Variants in SMIM19 observed in about 807,000 individuals in gnomAD.
The protein encoded by SMIM19 is UPF0697 protein C8orf40.
SMIM19 carries 6 observed loss-of-function variants against 13.2 expected under a neutral mutation model. That is an observed-to-expected ratio of 0.45 (90% CI 0.25 to 0.90). SMIM19 has a LOEUF of 0.90. Ranked by LOEUF, SMIM19 falls within the 40% of genes least tolerant of loss-of-function variation. The probability of loss-of-function intolerance (pLI) is 0.19; values close to 1 mark genes in which losing one functional copy is unlikely to be tolerated. For missense variants in SMIM19, 138 were observed against 131.0 expected (o/e 1.05, Z -0.26); for synonymous variants, 46 against 43.1 (o/e 1.07, Z -0.27).
At position 42,553,993 on chromosome 8, in the gene SMIM19, A is replaced by G. The variant is rs1056096524; in HGVS notation, c.*1385A>G. 1 of 152,002 alleles carries G rather than the reference A, an allele frequency of 6.6e-6. No individual in the cohort carries two copies. Among genetic ancestry groups the G allele is most frequent in the Non-Finnish European group, 1.5e-5 (1 of 67,986 alleles). The allele number at this position is 152,002 out of a possible 1,614,324, so 9.4% of individuals were successfully genotyped here. On this transcript the variant is annotated 3_prime_UTR_variant, in exon 4 of 4. Coordinates refer to ENST00000417410, the MANE Select transcript of SMIM19 (RefSeq NM_001135674.2). ...CAAGACTTCGTCTCAGAAAAAAAAA[A>G]AAAAGTTAATAATGGCTTCAAGTAT...
intron 3 of SMIM19, among the ~76,000 whole-genome samples, chr8:42,550,380 C>T (rs562808392): frequency 1.2e-4 from 18 of 152,278 alleles, no homozygotes; most frequent in African/African-American, 2.6e-4. Flanking sequence ...TGTTGTCTCA[C>T]GGTTCGGTGG....
At position 42,552,598 on chromosome 8, in the gene SMIM19, C is replaced by T. The variant is rs143524150; in HGVS notation, c.314C>T (p.Ser105Leu). 1.1e-4 allele frequency: 183 copies of T among 1,613,916 alleles called. No homozygotes were observed. Among genetic ancestry groups the T allele is most frequent in the Non-Finnish European group, 1.5e-4 (175 of 1,179,956 alleles). ...AACCAAGCTGACAGTGTGCAACTCT[C>T]ATTGGAATGAAACCTCAGAAAAAGA... is the stretch of plus-strand genomic sequence containing the variant. The part of the protein sequence containing the change: ...PQNQADSVQL[S>L]LE Residue 105 changes from serine to leucine, a missense_variant, in exon 4 of 4, where the codon TCA becomes TTA. Ser to Leu is a moderately radical substitution (Grantham distance 145). Coordinates refer to ENST00000417410, the MANE Select transcript of SMIM19 (RefSeq NM_001135674.2).
intron 1 of SMIM19, 56 bp downstream of exon 1, chr8:42,542,429 GAA>G: frequency 1.0e-6 from 1 of 985,364 alleles, no homozygotes; most frequent in Non-Finnish European, 1.2e-6. Context: ...AGGGATGAGA[GAA>G]AGAAATCCCA....
rs1316522705 is a variant in SMIM19 at position 42,553,846 on chromosome 8, G to C, written c.*1238G>C. 6.6e-6 allele frequency: 1 copy of C among 152,190 alleles called. No homozygotes were observed. Among genetic ancestry groups the C allele is most frequent in the Non-Finnish European group, 1.5e-5 (1 of 68,062 alleles). 9.4% of individuals were successfully genotyped at this position (152,190 alleles called of 1,614,324 possible). On this transcript the variant is annotated 3_prime_UTR_variant, in exon 4 of 4. Coordinates refer to ENST00000417410, the MANE Select transcript of SMIM19 (RefSeq NM_001135674.2). ...AGAATACAAAAATTCGCTGGGTGTG[G>C]TGGCATGCGCCTGTAATCCCAGCTA...
chr8:42,547,633 A>G (rs1015335760), intron 2 of SMIM19, among the ~76,000 whole-genome samples: 1 of 152,206 alleles, frequency 6.6e-6, no homozygotes, highest in Admixed American at 6.5e-5. Context: ...CATAGCACTT[A>G]TTAAACAATG....
intron 3 of SMIM19, among the ~76,000 whole-genome samples, chr8:42,549,024 A>G (rs955230020): frequency 7.9e-5 from 12 of 152,216 alleles, no homozygotes; most frequent in Admixed American, 5.9e-4. Context: ...ATTATTCACA[A>G]TAGCCAAAAG....
chr8:42,545,225 AAAG>A (rs750547636), intron 1 of SMIM19, among the ~76,000 whole-genome samples: 46 of 152,360 alleles, frequency 3.0e-4, no homozygotes, highest in Middle Eastern at 6.8e-3. Flanking sequence ...TCTCAAACAC[AAAG>A]AAGAAGTCAT....
chr8:42,543,211 C>T lies in SMIM19; in HGVS notation c.-5+838C>T, dbSNP rs547606125. ...AGGCTGTGGTGGTATGCAGTAAGCACGCAGCAGGTGTATGTGTGTACACTT... is the reference window on the plus strand; with the variant it reads ...AGGCTGTGGTGGTATGCAGTAAGCATGCAGCAGGTGTATGTGTGTACACTT... On this transcript the variant is annotated intron_variant, in intron 1 of 3. Coordinates refer to ENST00000417410, the MANE Select transcript of SMIM19 (RefSeq NM_001135674.2). Among the ~76,000 whole-genome samples the T allele has an allele frequency of 9.9e-5, 15 of 152,224 alleles. No individual in the cohort carries two copies. The South Asian group carries it at 3.1e-3, about 32-fold the overall frequency.
chr8:42,548,568 C>T, intron 2 of SMIM19, 88 bp from the exon 3 acceptor site: 2 of 1,551,282 alleles, frequency 1.3e-6, no homozygotes, highest in Non-Finnish European at 8.9e-7. Flanking sequence ...GTCCTTTTAC[C>T]ACAGCTTCTG....
intron 3 of SMIM19, among the ~76,000 whole-genome samples, chr8:42,551,338 A>G (rs117453585): frequency 0.021 from 3,110 of 151,168 alleles, 97 homozygotes; most frequent in South Asian, 0.075. Flanking sequence ...AACTTAGAAG[A>G]GATTGAAAGT....
chr8:42,553,355 A>G lies in SMIM19; in HGVS notation c.*747A>G, dbSNP rs950355354. 6.6e-6 allele frequency: 1 copy of G among 152,188 alleles called. No homozygotes were observed. The highest frequency in any genetic ancestry group is 1.5e-5 in the Non-Finnish European group (1 of 68,054). 9.4% of individuals were successfully genotyped at this position (152,188 alleles called of 1,614,324 possible). ...TTTTTATCCCCGTTTCATTTCTACC[A>G]GGTAGCTCTACTTTAGGCCATACTG... is the stretch of plus-strand genomic sequence containing the variant. On this transcript the variant is annotated 3_prime_UTR_variant, in exon 4 of 4. Coordinates refer to ENST00000417410, the MANE Select transcript of SMIM19 (RefSeq NM_001135674.2).
In SMIM19 at chr8:42,553,158, C is replaced by T. The variant is rs1270913327; in HGVS notation, c.*550C>T. The stretch of plus-strand genomic sequence containing the variant: ...CACCTCCCGGGTTTAAACGATTCTC[C>T]TGCCACAGCCTCCTGAATATTCTGT... On this transcript the variant is annotated 3_prime_UTR_variant, in exon 4 of 4. Coordinates refer to ENST00000417410, the MANE Select transcript of SMIM19 (RefSeq NM_001135674.2). 3.3e-5 allele frequency: 5 copies of T among 151,580 alleles called. No individual in the cohort carries two copies. The highest frequency in any genetic ancestry group is 4.9e-5 in the African/African-American group (2 of 41,152). 9.4% of individuals were successfully genotyped at this position (151,580 alleles called of 1,614,324 possible). A position where few individuals can be genotyped will look rare whatever the true frequency, so the allele number is the denominator to read the frequency against.
At chr8:42,546,350 C>A in intron 1 of SMIM19, 119 bp from the exon 2 acceptor site, 2 of 1,176,656 alleles carry the variant, frequency 1.7e-6, no homozygotes, top group Non-Finnish European at 2.3e-6. Flanking sequence ...GCTCATGGGC[C>A]GCACACAAAC....
intron 2 of SMIM19, chr8:42,548,267 G>A (rs575869924): frequency 5.3e-5 from 20 of 376,618 alleles, no homozygotes; most frequent in Non-Finnish European, 8.7e-5. Context: ...TCCAAAATTA[G>A]GATCTGCTCA....
chr8:42,544,197 G>A (rs1216657004), intron 1 of SMIM19, among the ~76,000 whole-genome samples: 2 of 151,428 alleles, frequency 1.3e-5, no homozygotes, highest in Non-Finnish European at 2.9e-5. Flanking sequence ...GGATCATGAG[G>A]TCAGGAGATC....
chr8:42,543,627 G>C lies in SMIM19; in HGVS notation c.-5+1254G>C, dbSNP rs1813366099. ...AGGAGGAAGTAGCGCTTTTGAGTAG[G>C]AATATACCATTTACTGAGTGGCACA... On this transcript the variant is annotated intron_variant, in intron 1 of 3. Transcript: ENST00000417410. 2.0e-5 allele frequency among the ~76,000 whole-genome samples: 3 copies of C among 152,138 alleles called. No individual in the cohort carries two copies. In the South Asian group the frequency reaches 6.2e-4, roughly 32 times the overall value.
rs899545861 is a variant in SMIM19 at position 42,554,605 on chromosome 8, A to G, written c.*1997A>G. 2 of 152,164 alleles carry G rather than the reference A, an allele frequency of 1.3e-5. No homozygotes were observed. Among genetic ancestry groups the G allele is most frequent in the African/African-American group, 4.8e-5 (2 of 41,430 alleles). The allele number at this position is 152,164 out of a possible 1,614,324, so 9.4% of individuals were successfully genotyped here. On this transcript the variant is annotated 3_prime_UTR_variant, in exon 4 of 4. Transcript: ENST00000417410. ...CTTAAAGCAAACTGATGGGAATTGC[A>G]CACACCCCACTGGCAGGAACAACAG...
intron 1 of SMIM19, among the ~76,000 whole-genome samples, chr8:42,545,691 C>G (rs1271707559): frequency 6.6e-6 from 1 of 152,156 alleles, no homozygotes; most frequent in African/African-American, 2.4e-5. Flanking sequence ...CCATCATGCC[C>G]AGCTAATTTT....
rs1265434193 is a variant in SMIM19, at chr8:42,542,370, G to T, written c.-8G>T. The T allele has an allele frequency of 1.1e-6, 1 of 916,664 alleles. No homozygotes were observed. Among genetic ancestry groups the T allele is most frequent in the African/African-American group, 1.8e-5 (1 of 55,750 alleles). The allele number at this position is 916,664 out of a possible 1,614,324, so 56.8% of individuals were successfully genotyped here. On this transcript the variant is annotated 5_prime_UTR_variant, in exon 1 of 4. Coordinates refer to ENST00000417410, the MANE Select transcript of SMIM19 (RefSeq NM_001135674.2). ...CTGGATGTTGGGTGAAGGCCTGTGA[G>T]CTTGTATGTACCCTTTGGCTTCAGA...
Sources: allele counts gnomAD v4.1 joint callset (sites outside exome capture counted in the v4.1 genomes callset), GRCh38; gene constraint gnomAD v4.1.1; transcripts MANE v1.5; gene names NCBI Gene and HGNC (gene_info 2026-07-23, HGNC 2026-07-21).